DNAJC27: variants seen among roughly 807,000 people sequenced by gnomAD.
DNAJC27 encodes DnaJ heat shock protein family (Hsp40) member C27.
Under a neutral mutation model 31.4 loss-of-function variants are expected in DNAJC27, and 25 were observed. That is an observed-to-expected ratio of 0.80 (90% CI 0.58 to 1.11). The LOEUF (loss-of-function observed/expected upper bound fraction) is 1.11, where lower values mean the gene tolerates loss of function less well. Among genes scored for constraint, DNAJC27 ranks in the 50% most tolerant of loss-of-function variants. The pLI, the probability that DNAJC27 is intolerant of heterozygous loss-of-function variation, is 0.00. For missense variants in DNAJC27, 356 were observed against 347.3 expected, an observed-to-expected ratio of 1.02 and a Z score of -0.20; for synonymous variants, 106 against 112.7, an observed-to-expected ratio of 0.94 and a Z score of 0.37.
chr2:24,955,496 G>C (rs1470855972), intron 5 of DNAJC27, among the ~76,000 whole-genome samples: 1 of 152,074 alleles, frequency 6.6e-6, no homozygotes, highest in Non-Finnish European at 1.5e-5. Flanking sequence ...AAACTCTGAA[G>C]AAATAATAGT....
intron 6 of DNAJC27, among the ~76,000 whole-genome samples, chr2:24,951,167 T>C (rs1665765999): frequency 6.6e-6 from 1 of 152,254 alleles, no homozygotes; most frequent in African/African-American, 2.4e-5. Flanking sequence ...TACCATTTCA[T>C]GAAGTATTTA....
At chr2:24,963,767 T>A (rs1666108970) in intron 2 of DNAJC27, among the ~76,000 whole-genome samples, 1 of 152,216 alleles carries the variant, frequency 6.6e-6, no homozygotes, top group African/African-American at 2.4e-5. Context: ...GGGTAGCTAT[T>A]ACTATGGTAT....
chr2:24,969,116 G>T, intron 1 of DNAJC27: 2 of 190,140 alleles, frequency 1.1e-5, no homozygotes, highest in South Asian at 2.1e-4. Context: ...TTAAATGGTA[G>T]AGATCTTCAG....
chr2:24,955,910 G>A (rs2149124256), intron 5 of DNAJC27, among the ~76,000 whole-genome samples: 1 of 152,320 alleles, frequency 6.6e-6, no homozygotes, highest in South Asian at 2.1e-4. Flanking sequence ...AAGTCTCCAT[G>A]AGATGAAATG....
intron 5 of DNAJC27, among the ~76,000 whole-genome samples, chr2:24,954,885 G>A (rs576800223): frequency 5.2e-4 from 79 of 152,232 alleles, no homozygotes; most frequent in African/African-American, 1.7e-3. Context: ...GCCATGAGCC[G>A]AGATTGCGCC....
Position 24,946,570 on chromosome 2 carries a change from G to T in DNAJC27, c.*1046C>A, listed in dbSNP as rs899266825. ...GGCAAAGGCTGGCAGTAAGACAAGG[G>T]CTAAGCCTCATAAGGAGTCTCTCCT... is the stretch of plus-strand genomic sequence containing the variant. On this transcript the variant is annotated 3_prime_UTR_variant, in exon 7 of 7. Coordinates refer to ENST00000264711, the MANE Select transcript of DNAJC27 (RefSeq NM_016544.3). The T allele has an allele frequency of 3.3e-5, 5 of 152,400 alleles. No individual in the cohort carries two copies. Among genetic ancestry groups the T allele is most frequent in the African/African-American group, 1.2e-4 (5 of 41,576 alleles). The allele number at this position is 152,400 out of a possible 1,614,324, so 9.4% of individuals were successfully genotyped here.
At chr2:24,964,365 T>C (rs998263291) in intron 2 of DNAJC27, among the ~76,000 whole-genome samples, 1 of 146,864 alleles carries the variant, frequency 6.8e-6, no homozygotes, top group Non-Finnish European at 1.5e-5. Context: ...GAGCTTGCAG[T>C]GAGCCGAGAT....
intron 2 of DNAJC27, among the ~76,000 whole-genome samples, chr2:24,966,479 G>A (rs925258758): frequency 1.4e-5 from 2 of 147,466 alleles, no homozygotes; most frequent in Admixed American, 1.4e-4. Context: ...TTCTTTTTTT[G>A]TGATGAAGTC....
At chr2:24,949,495 T>C (rs1243466846) in intron 6 of DNAJC27, among the ~76,000 whole-genome samples, 1 of 152,234 alleles carries the variant, frequency 6.6e-6, no homozygotes, top group Non-Finnish European at 1.5e-5. Context: ...ACGAAGATTT[T>C]CTTAAAGTTC....
chr2:24,957,739 T>C, intron 4 of DNAJC27, 71 bp downstream of exon 4: 1 of 1,407,904 alleles, frequency 7.1e-7, no homozygotes, highest in Non-Finnish European at 9.8e-7. Flanking sequence ...TTTCTTTTCT[T>C]TTTGTTTCCC....
rs751110283 is a variant in DNAJC27, at chr2:24,971,814, T to G, written c.87+4A>C. Reference sequence around the variant, plus strand: ...GCCCGCCCCTCCCGGCTCGCTGTACTCACTTTCCCCACTTCGGCGTTGCCC... The same window carrying G: ...GCCCGCCCCTCCCGGCTCGCTGTACGCACTTTCCCCACTTCGGCGTTGCCC... On this transcript the variant is annotated splice_donor_region_variant and intron_variant, in intron 1 of 6. Transcript: ENST00000264711. The G allele has an allele frequency of 1.8e-5, 29 of 1,605,866 alleles. No homozygotes were observed. Among genetic ancestry groups the G allele is most frequent in the Non-Finnish European group, 2.4e-5 (28 of 1,177,196 alleles).
intron 5 of DNAJC27, among the ~76,000 whole-genome samples, chr2:24,955,901 A>G (rs1019875581): frequency 6.6e-6 from 1 of 152,222 alleles, no homozygotes; most frequent in Non-Finnish European, 1.5e-5. Flanking sequence ...TGTTGCTGTA[A>G]GTCTCCATGA....
upstream of DNAJC27, chr2:24,971,984 T>C: frequency 2.9e-6 from 3 of 1,026,624 alleles, no homozygotes; most frequent in Non-Finnish European, 4.0e-6. Flanking sequence ...CCTCGTCCAA[T>C]GGCGGAGCCG....
Position 24,971,940 on chromosome 2 carries a change from C to G in DNAJC27, c.-36G>C, listed in dbSNP as rs771267911. The G allele has an allele frequency of 1.3e-6, 2 of 1,520,938 alleles. No individual in the cohort carries two copies. Among genetic ancestry groups the G allele is most frequent in the Non-Finnish European group, 1.8e-6 (2 of 1,127,636 alleles). 94.2% of individuals were successfully genotyped at this position (1,520,938 alleles called of 1,614,324 possible). On this transcript the variant is annotated 5_prime_UTR_variant, in exon 1 of 7. Coordinates refer to ENST00000264711, the MANE Select transcript of DNAJC27 (RefSeq NM_016544.3). ...CTCTCGGGGCCACCCGCCTCGGTCTCTTCTTGTGCACCGCTGGCCCGTCCC... is the reference window on the plus strand; with the variant it reads ...CTCTCGGGGCCACCCGCCTCGGTCTGTTCTTGTGCACCGCTGGCCCGTCCC...
Position 24,945,965 on chromosome 2 carries a change from G to C in DNAJC27, c.*1651C>G, listed in dbSNP as rs1362942109. 8.5e-5 allele frequency: 13 copies of C among 152,122 alleles called. No homozygotes were observed. The highest frequency in any genetic ancestry group is 1.9e-4 in the Non-Finnish European group (13 of 68,030). The allele number at this position is 152,122 out of a possible 1,614,324, so 9.4% of individuals were successfully genotyped here. A position where few individuals can be genotyped will look rare whatever the true frequency, so the allele number is the denominator to read the frequency against. ...TGGGATAGCTTTTTAAAATTCACAGGACAGGAAGATTTTATATACTTTCAA... is the reference window on the plus strand; with the variant it reads ...TGGGATAGCTTTTTAAAATTCACAGCACAGGAAGATTTTATATACTTTCAA... On this transcript the variant is annotated 3_prime_UTR_variant, in exon 7 of 7. Transcript: ENST00000264711.
At chr2:24,971,466 ATCC>A (rs1188748715) in intron 1 of DNAJC27, 1 of 178,698 alleles carries the variant, frequency 5.6e-6, no homozygotes, top group Non-Finnish European at 1.2e-5. Context: ...CTAAACTTTC[ATCC>A]TCCATCTCCC....
At chr2:24,959,970 AGCAGATGCAG>A (rs1028939378) in intron 3 of DNAJC27, among the ~76,000 whole-genome samples, 3 of 152,210 alleles carry the variant, frequency 2.0e-5, no homozygotes, top group African/African-American at 7.2e-5. Context: ...CACAGGGCCT[AGCAGATGCAG>A]GCACACCTCA....
chr2:24,967,148 G>C (rs1410633243), intron 2 of DNAJC27, 63 bp downstream of exon 2: 2 of 1,275,218 alleles, frequency 1.6e-6, no homozygotes, highest in Non-Finnish European at 2.3e-6. Context: ...TGCAAATATG[G>C]ATCATTTTGG....
rs946794004 is a variant in DNAJC27, at chr2:24,944,926, C to T, written c.*2690G>A. On this transcript the variant is annotated 3_prime_UTR_variant, in exon 7 of 7. Coordinates refer to ENST00000264711, the MANE Select transcript of DNAJC27 (RefSeq NM_016544.3). Reference sequence around the variant, plus strand: ...TTTTCTTTAATAATAGCTATTCAAACTTTTTATTCTTTTTTGAAAAACAAG... The same window carrying T: ...TTTTCTTTAATAATAGCTATTCAAATTTTTTATTCTTTTTTGAAAAACAAG... 6.6e-6 allele frequency: 1 copy of T among 152,558 alleles called. No individual in the cohort carries two copies. The highest frequency in any genetic ancestry group is 1.5e-5 in the Non-Finnish European group (1 of 68,016). 9.5% of individuals were successfully genotyped at this position (152,558 alleles called of 1,614,324 possible).
Sources: gnomAD v4.1 joint callset for allele counts (sites outside exome capture counted in the v4.1 genomes callset) on GRCh38, gnomAD v4.1.1 for gene constraint, MANE v1.5 for transcripts, NCBI Gene and HGNC (gene_info 2026-07-23, HGNC 2026-07-21) for gene names.